Variants in SMCHD1 observed in about 807,000 individuals in gnomAD.
The protein encoded by SMCHD1 is structural maintenance of chromosomes flexible hinge domain containing 1.
A neutral mutation model predicts 254.7 loss-of-function variants in SMCHD1; 78 were observed. The observed-to-expected ratio is 0.31, with a 90% CI of 0.26 to 0.37. The LOEUF (loss-of-function observed/expected upper bound fraction) is 0.37, where lower values mean the gene tolerates loss of function less well. Ranked by LOEUF, SMCHD1 falls within the 10% of genes least tolerant of loss-of-function variation. The probability of loss-of-function intolerance (pLI) is 1.00; values close to 1 mark genes in which losing one functional copy is unlikely to be tolerated. For missense variants in SMCHD1, 1,840 were observed against 2,408.1 expected, an observed-to-expected ratio of 0.76 and a Z score of 4.94; for synonymous variants, 766 against 794.9, an observed-to-expected ratio of 0.96 and a Z score of 0.61.
intron 5 of SMCHD1, among the ~76,000 whole-genome samples, chr18:2,685,877 A>G (rs2074040153): frequency 6.6e-6 from 1 of 152,242 alleles, no homozygotes; most frequent in Non-Finnish European, 1.5e-5. Context: ...ATTAATGGAC[A>G]CAAGTTGTTT....
intron 13 of SMCHD1, among the ~76,000 whole-genome samples, chr18:2,705,485 A>G (rs1181548973): frequency 6.6e-6 from 1 of 152,290 alleles, no homozygotes; most frequent in South Asian, 2.1e-4. Flanking sequence ...AGAAGCTGCC[A>G]TATTTTTACA....
At chr18:2,708,059 G>T in intron 17 of SMCHD1, 139 bp downstream of exon 17, 1 of 477,634 alleles carries the variant, frequency 2.1e-6, no homozygotes, top group South Asian at 5.9e-5. Context: ...TTTCAGGAAT[G>T]TTATGAATAG....
chr18:2,728,717 G>C, intron 23 of SMCHD1, 121 bp downstream of exon 23: 1 of 1,060,820 alleles, frequency 9.4e-7, no homozygotes, highest in South Asian at 2.0e-5. Flanking sequence ...TCCGTGGAAG[G>C]ATTTGTGGGA....
chr18:2,666,458 A>G (rs2073442028), intron 2 of SMCHD1, among the ~76,000 whole-genome samples: 1 of 152,244 alleles, frequency 6.6e-6, no homozygotes, highest in Non-Finnish European at 1.5e-5. Context: ...ACAGAAGATG[A>G]TTCTGCCTAG....
intron 1 of SMCHD1, among the ~76,000 whole-genome samples, chr18:2,658,093 C>T (rs2073127845): frequency 6.6e-6 from 1 of 152,172 alleles, no homozygotes; most frequent in South Asian, 2.1e-4. Flanking sequence ...AGTGGAAAAA[C>T]ATCTTTGAAT....
chr18:2,743,865 A>T lies in SMCHD1; in HGVS notation c.3738A>T (p.Arg1246=), dbSNP rs761489925. ...GGCGTGAGTTTTCTGACTTTATTCG[A>T]GTGCAACTAATTTCTGGACCTCCTG... ...FTWREFSDFI[R]VQLISGPPAK... The change falls in exon 29 of 48, where the codon CGA becomes CGT. Residue 1246 remains arginine (R), a synonymous_variant. Transcript: ENST00000320876. 6.2e-7 allele frequency: 1 copy of T among 1,613,296 alleles called. No individual in the cohort carries two copies. Among genetic ancestry groups the T allele is most frequent in the South Asian group, 1.1e-5 (1 of 91,014 alleles).
In SMCHD1 at chr18:2,738,453, T is replaced by A; in HGVS notation, c.3333T>A (p.Asp1111Glu). The A allele has an allele frequency of 1.2e-6, 2 of 1,612,098 alleles. No individual in the cohort carries two copies. Among genetic ancestry groups the A allele is most frequent in the Non-Finnish European group, 1.7e-6 (2 of 1,179,000 alleles). ...ACTTGCTACAGGGTCTGCTTCCTGA[T>A]GTGCAAGTACCAACATCTGTAAAAG... is the stretch of plus-strand genomic sequence containing the variant. Reference protein sequence around the residue: ...KEHLLQGLLPDVQVPTSVKDM... With the variant: ...KEHLLQGLLPEVQVPTSVKDM... The change falls in exon 26 of 48, where the codon GAT (aspartate) becomes GAA (glutamate). Residue 1111 changes from aspartate (D) to glutamate (E), a missense_variant. By Grantham distance (45) the Asp-to-Glu change is conservative. Around this residue, in one of 9 missense-constraint regions of SMCHD1, gnomAD observed 881 missense variants for 1,009.5 expected, o/e 0.87. Coordinates refer to ENST00000320876, the MANE Select transcript of SMCHD1 (RefSeq NM_015295.3).
chr18:2,669,166 T>G (rs989657108), intron 3 of SMCHD1, among the ~76,000 whole-genome samples: 3 of 151,976 alleles, frequency 2.0e-5, no homozygotes, highest in Non-Finnish European at 2.9e-5. Context: ...GGGGACATGA[T>G]ATGACCCCAT....
At position 2,751,337 on chromosome 18, in the gene SMCHD1, C is replaced by T. The variant is rs773163969; in HGVS notation, c.4225C>T (p.Arg1409Cys). 1.1e-5 allele frequency: 17 copies of T among 1,580,744 alleles called. No individual in the cohort carries two copies. The highest frequency in any genetic ancestry group is 2.4e-5 in the East Asian group (1 of 42,204). ...TATCATTAAAAACATTAATCCAGCA[C>T]GTATTTCCATGAAAATGTGGAAGCT... Reference protein sequence around the residue: ...DSIIKNINPARISMKMWKLST... With the variant: ...DSIIKNINPACISMKMWKLST... The change falls in exon 33 of 48, where the codon CGT becomes TGT. Residue 1409 changes from arginine (R) to cysteine (C), a missense_variant. Physicochemically the swap from Arg to Cys is radical, Grantham distance 180 (BLOSUM62 -3). This residue lies in a region of SMCHD1 where 881 missense variants were observed against 1,009.5 expected (regional missense o/e 0.87). Transcript: ENST00000320876.
intron 44 of SMCHD1, among the ~76,000 whole-genome samples, chr18:2,783,580 C>CT (rs538168484): frequency 7.8e-4 from 115 of 147,396 alleles, no homozygotes; most frequent in South Asian, 3.0e-3. Flanking sequence ...GAATTTCTTT[C>CT]TTTTTTTTTT....
chr18:2,777,068 C>G lies in SMCHD1; in HGVS notation c.5367-738C>G, dbSNP rs962567962. On this transcript the variant is annotated intron_variant, in intron 42 of 47. Coordinates refer to ENST00000320876, the MANE Select transcript of SMCHD1 (RefSeq NM_015295.3). Reference sequence around the variant, plus strand: ...AGAGGCATGCACCACCACCTCCCCCCCCCATACCCTAATACTTTTTGTGAG... The same window carrying G: ...AGAGGCATGCACCACCACCTCCCCCGCCCATACCCTAATACTTTTTGTGAG... Among the ~76,000 whole-genome samples, 8 of 148,282 alleles carry G rather than the reference C, an allele frequency of 5.4e-5. No individual in the cohort carries two copies. The South Asian group carries it at 6.9e-4, about 13-fold the overall frequency.
intron 44 of SMCHD1, chr18:2,778,904 G>C: frequency 6.6e-6 from 1 of 152,228 alleles, no homozygotes. Context: ...CATTCTGAGG[G>C]ACTGGGGGTT....
At chr18:2,673,228 T>C in intron 3 of SMCHD1, 53 bp from the exon 4 acceptor site, 1 of 1,504,718 alleles carries the variant, frequency 6.6e-7, no homozygotes, top group Non-Finnish European at 8.9e-7. Flanking sequence ...TGAACTTTTA[T>C]ATAAAGTATG....
At chr18:2,713,820 C>T (rs1429327540) in intron 17 of SMCHD1, among the ~76,000 whole-genome samples, 2 of 152,134 alleles carry the variant, frequency 1.3e-5, no homozygotes, top group Non-Finnish European at 2.9e-5. Context: ...TTTTATTCCA[C>T]TATGGTCCAA....
intron 7 of SMCHD1, among the ~76,000 whole-genome samples, chr18:2,693,303 A>G (rs2074219159): frequency 6.6e-6 from 1 of 152,180 alleles, no homozygotes; most frequent in Non-Finnish European, 1.5e-5. Flanking sequence ...ATTCTGAGAA[A>G]TGTGTCATTA....
intron 5 of SMCHD1, among the ~76,000 whole-genome samples, chr18:2,678,084 G>A (rs1353434423): frequency 1.3e-5 from 2 of 151,984 alleles, no homozygotes; most frequent in African/African-American, 2.4e-5. Flanking sequence ...TATCATTTTC[G>A]TATAAATGTG....
chr18:2,661,554 A>G (rs2073254830), intron 1 of SMCHD1, among the ~76,000 whole-genome samples: 2 of 139,156 alleles, frequency 1.4e-5, no homozygotes, highest in African/African-American at 3.4e-5. Flanking sequence ...GTGGGTTTTT[A>G]ATATGGATTA....
intron 5 of SMCHD1, among the ~76,000 whole-genome samples, chr18:2,684,535 T>G (rs748880984): frequency 1.3e-5 from 2 of 152,332 alleles, no homozygotes; most frequent in South Asian, 2.1e-4. Context: ...ATTTGTGTCT[T>G]AATATTTAAC....
chr18:2,730,778 G>A (rs1339530356), intron 24 of SMCHD1, among the ~76,000 whole-genome samples: 1 of 152,148 alleles, frequency 6.6e-6, no homozygotes, highest in Non-Finnish European at 1.5e-5. Context: ...GATACAAGAT[G>A]TCTTTTACTT....
Sources: gnomAD v4.1 joint callset for allele counts (sites outside exome capture counted in the v4.1 genomes callset) on GRCh38, gnomAD v4.1.1 for gene constraint, gnomAD v4.1.1 regional missense constraint, MANE v1.5 for transcripts, NCBI Gene and HGNC (gene_info 2026-07-23, HGNC 2026-07-21) for gene names.